The following MET variants were observed in gnomAD, a reference collection of about 807,000 sequenced individuals.
MET encodes the protein hepatocyte growth factor receptor.
MET carries 48 observed loss-of-function variants against 133.1 expected under a neutral mutation model. The observed-to-expected ratio is 0.36, with a 90% CI of 0.29 to 0.46. The LOEUF (loss-of-function observed/expected upper bound fraction) is 0.46, where lower values mean the gene tolerates loss of function less well. Ranked by LOEUF, MET falls within the 20% of genes least tolerant of loss-of-function variation. MET has a pLI of 1.00. For synonymous variants in MET, 628 were observed against 616.5 expected, an observed-to-expected ratio of 1.02 and a Z score of -0.28; for missense variants, 1,442 against 1,695.9, an observed-to-expected ratio of 0.85 and a Z score of 2.63.
intron 2 of MET, among the ~76,000 whole-genome samples, chr7:116,719,378 T>A (rs1271562395): frequency 6.6e-6 from 1 of 152,136 alleles, no homozygotes; most frequent in African/African-American, 2.4e-5. Flanking sequence ...CATTGTAGAT[T>A]CTGGATATTA....
chr7:116,724,884 G>C (rs1792680528), intron 2 of MET: 1 of 1,278,348 alleles, frequency 7.8e-7, no homozygotes, highest in South Asian at 1.3e-5. Context: ...TTCCTTCTAG[G>C]CTTCTTGTTC....
At chr7:116,769,930 AT>A in intron 12 of MET, 139 bp downstream of exon 12, 1 of 1,248,528 alleles carries the variant, frequency 8.0e-7, no homozygotes, top group Non-Finnish European at 1.1e-6. Context: ...CCTAGTTGTT[AT>A]TTTAGAAATA....
rs141409396 is a variant in MET at position 116,782,647 on chromosome 7, T to C, written c.3632+550T>C. Among the ~76,000 whole-genome samples the C allele has an allele frequency of 2.2e-3, 339 of 152,382 alleles. 1 individual carries two copies. The highest frequency in any genetic ancestry group is 7.7e-3 in the African/African-American group (322 of 41,592). ...TTGCATAGCACTGATTCATGACTTA[T>C]GGTATGTGTGAATGAAAAAGGGTGT... On this transcript the variant is annotated intron_variant, in intron 18 of 20. Transcript: ENST00000397752.
At position 116,689,695 on chromosome 7, in the gene MET, A is replaced by G. The variant is rs1439849928; in HGVS notation, c.-14-9376A>G. On this transcript the variant is annotated intron_variant, in intron 1 of 20. Transcript: ENST00000397752. ...GTGATTCTCCCACCTCAGCTTCCAC[A>G]GTAGCTGGGACTATAGGCACATGCC... 2.0e-5 allele frequency among the ~76,000 whole-genome samples: 3 copies of G among 150,122 alleles called. No homozygotes were observed. The East Asian group carries it at 5.9e-4, about 30-fold the overall frequency.
At chr7:116,679,215 G>C (rs1796264262) in intron 1 of MET, among the ~76,000 whole-genome samples, 1 of 152,106 alleles carries the variant, frequency 6.6e-6, no homozygotes, top group South Asian at 2.1e-4. Flanking sequence ...AGTGTTGAAT[G>C]ACTCTTTCTT....
chr7:116,785,222 T>C (rs1795275911), intron 19 of MET, among the ~76,000 whole-genome samples: 1 of 152,330 alleles, frequency 6.6e-6, no homozygotes, highest in African/African-American at 2.4e-5. Flanking sequence ...TGCCTGCAGC[T>C]TTTCCAGGCA....
intron 15 of MET, among the ~76,000 whole-genome samples, chr7:116,776,557 T>C (rs1332904083): frequency 6.6e-6 from 1 of 152,250 alleles, no homozygotes; most frequent in Non-Finnish European, 1.5e-5. Flanking sequence ...TATATGTTTT[T>C]CTGCAGGAGA....
At chr7:116,710,741 T>C (rs1180112565) in intron 2 of MET, among the ~76,000 whole-genome samples, 1 of 151,970 alleles carries the variant, frequency 6.6e-6, no homozygotes, top group Non-Finnish European at 1.5e-5. Context: ...AGATCTAGGG[T>C]AACCATGGTG....
intron 5 of MET, 78 bp downstream of exon 5, chr7:116,741,103 T>G: frequency 6.5e-7 from 1 of 1,549,956 alleles, no homozygotes; most frequent in Non-Finnish European, 8.8e-7. Context: ...TGGTTTGTTT[T>G]TTGTTTTTTT....
intron 19 of MET, among the ~76,000 whole-genome samples, chr7:116,787,705 T>C (rs1795360825): frequency 6.6e-6 from 1 of 152,222 alleles, no homozygotes; most frequent in South Asian, 2.1e-4. Context: ...GGATTAAGTG[T>C]CCAACACATG....
chr7:116,794,751 C>T (rs1031869637), intron 19 of MET, among the ~76,000 whole-genome samples: 1 of 152,216 alleles, frequency 6.6e-6, no homozygotes, highest in East Asian at 1.9e-4. Flanking sequence ...GAACTGCCCC[C>T]CTGGGTCCTG....
intron 2 of MET, among the ~76,000 whole-genome samples, chr7:116,712,371 T>C (rs1291899646): frequency 6.6e-6 from 1 of 152,212 alleles, no homozygotes; most frequent in African/African-American, 2.4e-5. Flanking sequence ...CACTCCGTGG[T>C]AATGTGTCCA....
At chr7:116,700,467 T>A (rs1332714152) in intron 2 of MET, among the ~76,000 whole-genome samples, 183 bp downstream of exon 2, 2 of 142,070 alleles carry the variant, frequency 1.4e-5, no homozygotes, top group African/African-American at 5.1e-5. Context: ...AATTATATCT[T>A]TAAAATGTAA....
chr7:116,758,032 G>C (rs962166816), intron 8 of MET, among the ~76,000 whole-genome samples: 4 of 151,870 alleles, frequency 2.6e-5, no homozygotes, highest in Non-Finnish European at 5.9e-5. Context: ...TTATAGCTTA[G>C]GATCTTAGCT....
intron 10 of MET, among the ~76,000 whole-genome samples, chr7:116,760,322 G>A (rs1177845605): frequency 2.0e-5 from 3 of 152,074 alleles, no homozygotes; most frequent in East Asian, 1.9e-4. Flanking sequence ...AACAAAGAAA[G>A]AGCATTAGAA....
intron 1 of MET, among the ~76,000 whole-genome samples, chr7:116,689,047 A>C (rs949638974): frequency 3.9e-5 from 6 of 152,200 alleles, no homozygotes; most frequent in African/African-American, 1.4e-4. Flanking sequence ...TTTTTTAATA[A>C]GCTCATTTAT....
At position 116,739,962 on chromosome 7, in the gene MET, C is replaced by T. The variant is rs2116825789; in HGVS notation, c.1405C>T (p.Arg469Ter). 2 of 1,614,056 alleles carry T rather than the reference C, an allele frequency of 1.2e-6. No homozygotes were observed. The highest frequency in any genetic ancestry group is 1.7e-6 in the Non-Finnish European group (2 of 1,179,954). The change falls in exon 4 of 21, where the codon CGA becomes TGA. Residue 469 changes from arginine (R) to a stop codon, truncating the protein, a stop_gained. Coordinates refer to ENST00000397752, the MANE Select transcript of MET (RefSeq NM_000245.4). LOFTEE classifies it high-confidence loss of function. ...EGRFMQVVVS[R>*]SGPSTPHVNF... is the part of the protein sequence containing the mutation. The stretch of plus-strand genomic sequence containing the variant: ...TTTTGCTGTTTAGGTTGTGGTTTCT[C>T]GATCAGGACCATCAACCCCTCATGT...
chr7:116,717,031 C>T (rs979116240), intron 2 of MET, among the ~76,000 whole-genome samples: 2 of 152,230 alleles, frequency 1.3e-5, no homozygotes, highest in African/African-American at 4.8e-5. Flanking sequence ...ATTACTTCCT[C>T]AAGAGGCGTT....
intron 6 of MET, among the ~76,000 whole-genome samples, chr7:116,755,920 A>T (rs1282577549): frequency 6.6e-6 from 1 of 152,184 alleles, no homozygotes; most frequent in Non-Finnish European, 1.5e-5. Flanking sequence ...TTTTAAATTC[A>T]CTTTCTAAAC....
Sources: gnomAD v4.1 joint callset for allele counts (sites outside exome capture counted in the v4.1 genomes callset) on GRCh38, gnomAD v4.1.1 for gene constraint, MANE v1.5 for transcripts, NCBI Gene and HGNC (gene_info 2026-07-23, HGNC 2026-07-21) for gene names.